The following MID1 variants were observed in gnomAD, a reference collection of about 807,000 sequenced individuals.
MID1 encodes E3 ubiquitin-protein ligase Midline-1.
A neutral mutation model predicts 40.4 loss-of-function variants in MID1; 7 were observed. The observed-to-expected ratio is 0.17, with a 90% CI of 0.10 to 0.33. The LOEUF (loss-of-function observed/expected upper bound fraction) is 0.33. Among genes scored for constraint, MID1 ranks in the 10% least tolerant of loss-of-function variants. MID1 has a pLI of 1.00. For synonymous variants in MID1, 229 were observed against 221.2 expected, an observed-to-expected ratio of 1.04 and a Z score of -0.31; for missense variants, 367 against 558.5, an observed-to-expected ratio of 0.66 and a Z score of 3.46.
chrX:10,760,397 T>C lies in MID1; in HGVS notation c.-187+73157A>G, dbSNP rs758686031. ...AAACTGTAAAATGCCTTTTATTTTC[T>C]TGGATATGTCTCAGATAGCAAAGAA... On this transcript the variant is annotated intron_variant, in intron 1 of 10. Transcript: ENST00000380785. Among the ~76,000 whole-genome samples the C allele has an allele frequency of 7.4e-4, 83 of 112,518 alleles. 1 individual carries two copies. Among genetic ancestry groups the C allele is most frequent in the African/African-American group, 2.6e-3 (81 of 30,972 alleles).
At chrX:10,572,486 G>GGTT (rs1228403145) in intron 1 of MID1, among the ~76,000 whole-genome samples, 1 of 110,716 alleles carries the variant, frequency 9.0e-6, no homozygotes, top group African/African-American at 3.3e-5. Flanking sequence ...AGGAGGCAGA[G>GGTT]GTTGCAGTGA....
At chrX:10,701,122 G>A (rs938140054) in intron 1 of MID1, among the ~76,000 whole-genome samples, 3 of 111,715 alleles carry the variant, frequency 2.7e-5, no homozygotes, top group Non-Finnish European at 3.8e-5. Context: ...TAAAGCAGCC[G>A]CTGTTGATGC....
intron 1 of MID1, among the ~76,000 whole-genome samples, chrX:10,636,958 T>A (rs1156931948): frequency 9.5e-6 from 1 of 105,396 alleles, no homozygotes; most frequent in Non-Finnish European, 1.9e-5. Flanking sequence ...TGGGGTGCAT[T>A]TTCTTGTCAC....
rs149280391 is a variant in MID1, at chrX:10,703,763, T to A, written c.-186-83344A>T. Among the ~76,000 whole-genome samples the A allele has an allele frequency of 6.5e-3, 732 of 112,578 alleles. 6 individuals are homozygous for A. Among genetic ancestry groups the A allele is most frequent in the African/African-American group, 0.023 (698 of 31,017 alleles). ...CACAAAAATAAAGGCAATAGAGAAT[T>A]CATAAAGTAAGATGTGATTGAAGAA... On this transcript the variant is annotated intron_variant, in intron 1 of 10. Transcript: ENST00000380785.
At chrX:10,697,738 T>C (rs112200421) in intron 1 of MID1, among the ~76,000 whole-genome samples, 5,327 of 111,306 alleles carry the variant, frequency 0.048, 190 homozygotes, top group African/African-American at 0.13. Flanking sequence ...GGTGGCTGTG[T>C]GCTGACATGT....
chrX:10,743,135 C>T (rs898413978), intron 1 of MID1, among the ~76,000 whole-genome samples: 4 of 112,619 alleles, frequency 3.6e-5, no homozygotes, highest in African/African-American at 9.7e-5. Flanking sequence ...AGAAGAATAC[C>T]GCTGTGGCTT....
intron 3 of MID1, among the ~76,000 whole-genome samples, chrX:10,509,366 A>G (rs925576018): frequency 8.9e-6 from 1 of 111,841 alleles, no homozygotes; most frequent in Non-Finnish European, 1.9e-5. Flanking sequence ...ATTATTTATA[A>G]GTGTTTTCCC....
intron 1 of MID1, among the ~76,000 whole-genome samples, chrX:10,640,183 A>T (rs1211987962): frequency 8.9e-6 from 1 of 112,022 alleles, no homozygotes; most frequent in Admixed American, 9.5e-5. Flanking sequence ...TTTAAATGTA[A>T]ATGAGCTAAA....
intron 2 of MID1, among the ~76,000 whole-genome samples, chrX:10,541,481 T>C (rs1263894678): frequency 9.0e-6 from 1 of 111,328 alleles, no homozygotes; most frequent in Non-Finnish European, 1.9e-5. Context: ...TCTCTTTTGA[T>C]ATTACATATA....
chrX:10,747,947 G>A (rs961734451), intron 1 of MID1, among the ~76,000 whole-genome samples: 2 of 111,717 alleles, frequency 1.8e-5, no homozygotes, highest in African/African-American at 6.5e-5. Flanking sequence ...GGGGAAATAA[G>A]AGGGACTTCT....
rs182834830 is a variant in MID1, at chrX:10,749,147, G to A, written c.-187+84407C>T. Among the ~76,000 whole-genome samples, 500 of 111,096 alleles carry A rather than the reference G, an allele frequency of 4.5e-3. 5 individuals carry two copies. The highest frequency in any genetic ancestry group is 0.015 in the African/African-American group (472 of 30,543). ...CATTGTCTGAAATTTCCATCAAGGA[G>A]GTTCTTCCCTGATATTTGACAAGAC... On this transcript the variant is annotated intron_variant, in intron 1 of 10. Transcript: ENST00000380785.
At chrX:10,487,364 TTC>T (rs1930673941) in intron 4 of MID1, among the ~76,000 whole-genome samples, 1 of 112,189 alleles carries the variant, frequency 8.9e-6, no homozygotes, top group Non-Finnish European at 1.9e-5. Flanking sequence ...TATAACTTTC[TTC>T]TGTTTTTGTG....
At chrX:10,758,786 C>T (rs1392475766) in intron 1 of MID1, among the ~76,000 whole-genome samples, 1 of 111,194 alleles carries the variant, frequency 9.0e-6, no homozygotes, top group African/African-American at 3.3e-5. Flanking sequence ...CCGCGCCCGG[C>T]CTTTAAATAG....
chrX:10,540,425 C>T (rs146324070), intron 2 of MID1, among the ~76,000 whole-genome samples: 1,318 of 111,733 alleles, frequency 0.012, 24 homozygotes, highest in African/African-American at 0.04. Context: ...ACCTGCAGAA[C>T]GTCCTGAGGT....
chrX:10,791,099 T>C (rs1477641983), intron 1 of MID1, among the ~76,000 whole-genome samples: 3 of 112,673 alleles, frequency 2.7e-5, no homozygotes, highest in Non-Finnish European at 5.6e-5. Context: ...TATGGGTGAA[T>C]ACAACAGCAT....
chrX:10,552,360 A>G (rs1933946415), intron 2 of MID1, among the ~76,000 whole-genome samples: 2 of 110,826 alleles, frequency 1.8e-5, no homozygotes, highest in African/African-American at 6.6e-5. Context: ...ATATACAGTC[A>G]TTCCTCAATA....
intron 7 of MID1, among the ~76,000 whole-genome samples, chrX:10,466,898 C>T (rs1929416334): frequency 9.0e-6 from 1 of 111,632 alleles, no homozygotes. Flanking sequence ...CTCTGAAGGG[C>T]AATTTGGCAA....
chrX:10,619,726 G>C (rs1487511605), intron 1 of MID1, among the ~76,000 whole-genome samples: 3 of 112,204 alleles, frequency 2.7e-5, no homozygotes, highest in Non-Finnish European at 5.6e-5. Flanking sequence ...GCCTTCTCAC[G>C]TCCAGAAGCA....
chrX:10,556,814 T>C (rs1439693855), intron 2 of MID1, among the ~76,000 whole-genome samples: 2 of 112,553 alleles, frequency 1.8e-5, no homozygotes, highest in African/African-American at 3.2e-5. Flanking sequence ...AAGTTTTAAA[T>C]GGATTTTTAC....
Sources: allele counts gnomAD v4.1 joint callset (sites outside exome capture counted in the v4.1 genomes callset), GRCh38; gene constraint gnomAD v4.1.1; transcripts MANE v1.5; gene names NCBI Gene and HGNC (gene_info 2026-07-23, HGNC 2026-07-21).